Variants in MSI2 observed in about 807,000 individuals in gnomAD.
MSI2 encodes the protein musashi RNA binding protein 2.
MSI2 carries 17 observed loss-of-function variants against 45.6 expected under a neutral mutation model. The observed-to-expected ratio is 0.37, with a 90% CI of 0.26 to 0.56. The LOEUF is 0.56. Ranked by LOEUF, MSI2 falls within the 20% of genes least tolerant of loss-of-function variation. MSI2 has a pLI of 0.77. For synonymous variants in MSI2, 156 were observed against 158.2 expected (o/e 0.99, Z 0.11); for missense variants, 293 against 444.2 (o/e 0.66, Z 3.06).
intron 6 of MSI2, among the ~76,000 whole-genome samples, chr17:57,404,938 T>C (rs879830416): frequency 3.9e-5 from 6 of 152,132 alleles, no homozygotes; most frequent in Admixed American, 3.9e-4. Flanking sequence ...TCACGAAGCG[T>C]GGCCACTGGC....
intron 9 of MSI2, among the ~76,000 whole-genome samples, chr17:57,622,334 A>G (rs538957671): frequency 3.3e-5 from 5 of 152,386 alleles, no homozygotes; most frequent in South Asian, 4.1e-4. Flanking sequence ...GGTGAACTTA[A>G]TAAAAGCAAA....
the MSI2 span, among the ~76,000 whole-genome samples, chr17:57,699,935 C>T: frequency 6.6e-6 from 1 of 152,244 alleles, no homozygotes; most frequent in African/African-American, 2.4e-5. Flanking sequence ...CAGCCCATAG[C>T]ATCCCAGCTC....
At chr17:57,554,200 T>TA (rs1210675486) in intron 7 of MSI2, among the ~76,000 whole-genome samples, 1 of 143,656 alleles carries the variant, frequency 7.0e-6, no homozygotes, top group Non-Finnish European at 1.5e-5. Context: ...CAAGTATTGC[T>TA]AAGAAGAGTC....
At chr17:57,298,040 A>AT (rs368609264) in intron 5 of MSI2, among the ~76,000 whole-genome samples, 2,952 of 143,832 alleles carry the variant, frequency 0.021, 74 homozygotes, top group African/African-American at 0.057. Flanking sequence ...GTTAATGCTG[A>AT]TTTTTTTTTT....
At position 57,551,240 on chromosome 17, in the gene MSI2, C is replaced by T. The variant is rs1010690223; in HGVS notation, c.454+21516C>T. Among the ~76,000 whole-genome samples, 6 of 152,274 alleles carry T rather than the reference C, an allele frequency of 3.9e-5. No homozygotes were observed. The South Asian group carries it at 1.2e-3, about 32-fold the overall frequency. The stretch of plus-strand genomic sequence containing the variant: ...GGGGACAAAAGGAGCAATATTATGT[C>T]TCAGACTAAATAAGGTCTCCAGATC... On this transcript the variant is annotated intron_variant, in intron 7 of 13. Coordinates refer to ENST00000284073, the MANE Select transcript of MSI2 (RefSeq NM_138962.4).
At chr17:57,291,152 G>A (rs904222942) in intron 5 of MSI2, among the ~76,000 whole-genome samples, 1 of 152,198 alleles carries the variant, frequency 6.6e-6, no homozygotes. Context: ...AGGTTGTGTC[G>A]TTTCAGCGGG....
Position 57,407,655 on chromosome 17 carries a change from C to T in MSI2, c.405+6184C>T, listed in dbSNP as rs1489136564. Among the ~76,000 whole-genome samples the T allele has an allele frequency of 2.0e-5, 3 of 152,338 alleles. No homozygotes were observed. Among genetic ancestry groups the T allele is most frequent in the African/African-American group, 7.2e-5 (3 of 41,576 alleles). On this transcript the variant is annotated intron_variant, in intron 6 of 13. Coordinates refer to ENST00000284073, the MANE Select transcript of MSI2 (RefSeq NM_138962.4). This position sits in a 1 kb window ranked among gnomAD's most constrained non-coding sequence, Gnocchi z 4.1. ...AGCCTCCCGGGCCTCACCCTGTCCT[C>T]TGCTCCACCTTTTTCTGGAGAGCCT...
Position 57,344,934 on chromosome 17 carries a change from G to T in MSI2, c.313-56445G>T, listed in dbSNP as rs541979537. Reference sequence around the variant, plus strand: ...AAAAATTAGCCGGGCATGGTGGCATGTGCCTGTAATCCCAGCTACTCAGGA... The same window carrying T: ...AAAAATTAGCCGGGCATGGTGGCATTTGCCTGTAATCCCAGCTACTCAGGA... On this transcript the variant is annotated intron_variant, in intron 5 of 13. Coordinates refer to ENST00000284073, the MANE Select transcript of MSI2 (RefSeq NM_138962.4). Among the ~76,000 whole-genome samples the T allele has an allele frequency of 4.7e-5, 7 of 150,324 alleles. No individual in the cohort carries two copies. The South Asian group carries it at 1.1e-3, about 23-fold the overall frequency.
intron 6 of MSI2, among the ~76,000 whole-genome samples, chr17:57,418,326 A>G (rs1399533883): frequency 6.6e-6 from 1 of 152,254 alleles, no homozygotes; most frequent in Non-Finnish European, 1.5e-5. Flanking sequence ...CTTTAGGGGC[A>G]TGGCTATGCT....
chr17:57,692,050 T>C, the MSI2 span, among the ~76,000 whole-genome samples: 22 of 152,370 alleles, frequency 1.4e-4, no homozygotes, highest in African/African-American at 5.3e-4. Flanking sequence ...TGAGAGCATG[T>C]ATGCAGCATA....
chr17:57,357,010 A>G (rs1916470960), intron 5 of MSI2, among the ~76,000 whole-genome samples: 1 of 152,114 alleles, frequency 6.6e-6, no homozygotes, highest in South Asian at 2.1e-4. Flanking sequence ...CTCCCAGGCC[A>G]GCTGCCCAGG....
chr17:57,361,436 C>T (rs1335782903), intron 5 of MSI2, among the ~76,000 whole-genome samples: 1 of 147,990 alleles, frequency 6.8e-6, no homozygotes, highest in Non-Finnish European at 1.5e-5. Context: ...CCTGTCTTTA[C>T]AAAAAATAAA....
intron 6 of MSI2, chr17:57,522,562 G>A (rs1020401980): frequency 6.6e-6 from 1 of 152,192 alleles, no homozygotes; most frequent in African/African-American, 2.4e-5. Context: ...AAAGCCCAGT[G>A]GCCAAGTCAA....
In MSI2 at chr17:57,615,105, T is replaced by G. The variant is rs1431334734; in HGVS notation, c.538-865T>G. On this transcript the variant is annotated intron_variant, in intron 8 of 13. Transcript: ENST00000284073. Reference sequence around the variant, plus strand: ...AGGCCTGAACCTGTTGGGGAGGGCTTTCAGCATGTTGCACAAGAATTTTTT... The same window carrying G: ...AGGCCTGAACCTGTTGGGGAGGGCTGTCAGCATGTTGCACAAGAATTTTTT... Among the ~76,000 whole-genome samples, 5 of 151,476 alleles carry G rather than the reference T, an allele frequency of 3.3e-5. No homozygotes were observed. In the East Asian group the frequency reaches 9.7e-4, roughly 29 times the overall value.
intron 7 of MSI2, among the ~76,000 whole-genome samples, chr17:57,553,298 T>C (rs978663355): frequency 6.6e-5 from 10 of 152,142 alleles, no homozygotes; most frequent in Non-Finnish European, 8.8e-5. Context: ...TGAAAGCTGT[T>C]TGGGAAGGCA....
intron 7 of MSI2, among the ~76,000 whole-genome samples, chr17:57,530,596 G>T (rs1042407230): frequency 6.6e-6 from 1 of 152,188 alleles, no homozygotes. Flanking sequence ...AGCTTCCTAA[G>T]GGGGTGGCAG....
chr17:57,288,336 G>A (rs1161377488), intron 5 of MSI2, among the ~76,000 whole-genome samples: 2 of 152,134 alleles, frequency 1.3e-5, no homozygotes, highest in African/African-American at 2.4e-5. Flanking sequence ...TGCAGTTACC[G>A]AACCCTACAC....
intron 8 of MSI2, among the ~76,000 whole-genome samples, chr17:57,603,340 C>T (rs1906131106): frequency 6.6e-6 from 1 of 152,228 alleles, no homozygotes; most frequent in Non-Finnish European, 1.5e-5. Flanking sequence ...AAGTCGGGAC[C>T]TGCTGGGTCA....
At chr17:57,524,536 T>C (rs1185653338) in intron 6 of MSI2, among the ~76,000 whole-genome samples, 1 of 152,274 alleles carries the variant, frequency 6.6e-6, no homozygotes, top group African/African-American at 2.4e-5. Flanking sequence ...ATCTGTTAGA[T>C]AGATCTAGAC....
Sources: gnomAD v4.1 joint callset for allele counts (sites outside exome capture counted in the v4.1 genomes callset) on GRCh38, gnomAD v4.1.1 for gene constraint, Gnocchi (gnomAD v3.1) non-coding constraint, MANE v1.5 for transcripts, NCBI Gene and HGNC (gene_info 2026-07-23, HGNC 2026-07-21) for gene names.